Variants in PTPRN2 observed in about 807,000 individuals in gnomAD.
The protein encoded by PTPRN2 is protein tyrosine phosphatase receptor type N2, also known as receptor-type tyrosine-protein phosphatase N2.
Under a neutral mutation model 118.8 loss-of-function variants are expected in PTPRN2, and 74 were observed. The ratio of observed to expected loss-of-function variants is 0.62; its 90% CI spans 0.52 to 0.76. PTPRN2 has a LOEUF of 0.76. Ranked by LOEUF, PTPRN2 falls within the 30% of genes least tolerant of loss-of-function variation. The pLI, the probability that PTPRN2 is intolerant of heterozygous loss-of-function variation, is 0.00. For synonymous variants in PTPRN2, 641 were observed against 608.0 expected (o/e 1.05, Z -0.80); for missense variants, 1,481 against 1,394.4 (o/e 1.06, Z -0.99).
rs777703742 is a variant in PTPRN2, at chr7:158,110,833, C to G, written c.1639G>C (p.Val547Leu). Residue 547 changes from valine (V) to leucine (L), a missense_variant, in exon 10 of 23, where the codon GTG becomes CTG. Physicochemically the swap from Val to Leu is conservative, Grantham distance 32. Transcript: ENST00000389418. ...LQVPSSAFAD[V>L]EVLGPAVTFK... is the part of the protein sequence containing the mutation. The stretch of plus-strand genomic sequence containing the variant: ...ACCCCAGGGCCCCGTACTTACTCCA[C>G]GTCAGCGAACGCACTGCTGGGCACC... 1 of 1,584,636 alleles carries G rather than the reference C, an allele frequency of 6.3e-7. No individual in the cohort carries two copies. Among genetic ancestry groups the G allele is most frequent in the Admixed American group, 1.8e-5 (1 of 56,964 alleles).
At chr7:157,999,102 G>A (rs982335881) in intron 11 of PTPRN2, among the ~76,000 whole-genome samples, 2 of 151,994 alleles carry the variant, frequency 1.3e-5, no homozygotes, top group African/African-American at 4.8e-5. Flanking sequence ...CCCACCAAGA[G>A]GACCTCCTGT....
At chr7:158,320,611 C>T (rs1455268368) in intron 2 of PTPRN2, among the ~76,000 whole-genome samples, 4 of 152,218 alleles carry the variant, frequency 2.6e-5, no homozygotes, top group Non-Finnish European at 5.9e-5. Context: ...CACTTGGAGG[C>T]GTCCATGTTC....
intron 12 of PTPRN2, among the ~76,000 whole-genome samples, chr7:157,777,852 A>G (rs1803426638): frequency 6.6e-6 from 1 of 152,256 alleles, no homozygotes; most frequent in Admixed American, 6.5e-5. Flanking sequence ...CCACCAGAAT[A>G]AGATGTCTGC....
intron 11 of PTPRN2, among the ~76,000 whole-genome samples, chr7:158,072,884 T>A (rs931578658): frequency 3.3e-5 from 5 of 152,048 alleles, no homozygotes; most frequent in Non-Finnish European, 7.4e-5. Flanking sequence ...CTCTCAAAAG[T>A]CATAATATTT....
chr7:158,382,176 C>G (rs1327090514), intron 2 of PTPRN2, among the ~76,000 whole-genome samples: 2 of 152,158 alleles, frequency 1.3e-5, no homozygotes, highest in Admixed American at 6.5e-5. Flanking sequence ...GTGCAGGCAC[C>G]TGGGCAACGC....
rs62480896 is a variant in PTPRN2 at position 158,332,674 on chromosome 7, C to A, written c.164-15742G>T. ...AGCTGATGCCTGCAGACATCACTCA[C>A]ACCCACACTCTAACCATAAGAGTTG... On this transcript the variant is annotated intron_variant, in intron 2 of 22. Coordinates refer to ENST00000389418, the MANE Select transcript of PTPRN2 (RefSeq NM_002847.5). Among the ~76,000 whole-genome samples, 1,377 of 148,240 alleles carry A rather than the reference C, an allele frequency of 9.3e-3. 25 individuals are homozygous for A. Among genetic ancestry groups the A allele is most frequent in the Non-Finnish European group, 0.014 (952 of 66,974 alleles).
At chr7:157,954,629 G>A (rs1284808887) in intron 11 of PTPRN2, among the ~76,000 whole-genome samples, 1 of 152,110 alleles carries the variant, frequency 6.6e-6, no homozygotes, top group African/African-American at 2.4e-5. Flanking sequence ...GTGCCTGTGT[G>A]AGAGGAGTGG....
chr7:158,367,351 T>C (rs1184785334), intron 2 of PTPRN2, among the ~76,000 whole-genome samples: 2 of 152,196 alleles, frequency 1.3e-5, no homozygotes, highest in South Asian at 2.1e-4. Flanking sequence ...ACCTGTAAAA[T>C]ACGGAAGCTA....
chr7:158,328,924 G>A (rs570890527), intron 2 of PTPRN2, among the ~76,000 whole-genome samples: 23 of 150,920 alleles, frequency 1.5e-4, no homozygotes, highest in African/African-American at 4.6e-4. Flanking sequence ...GGCCTGGGAC[G>A]GTAAATCCAG....
intron 11 of PTPRN2, among the ~76,000 whole-genome samples, chr7:157,992,859 G>A (rs1045137504): frequency 6.6e-6 from 1 of 152,266 alleles, no homozygotes; most frequent in Non-Finnish European, 1.5e-5. Context: ...TGCTCAGGAA[G>A]CATAGACAGT....
chr7:157,725,317 AGACCC>A (rs1799491152), intron 12 of PTPRN2, among the ~76,000 whole-genome samples: 27 of 108,486 alleles, frequency 2.5e-4, no homozygotes, highest in African/African-American at 1.2e-3. Flanking sequence ...GAGTGTGGCC[AGACCC>A]TCGCCTCCCA....
At position 157,800,720 on chromosome 7, in the gene PTPRN2, AGGCG is replaced by A. The variant is rs575375645; in HGVS notation, c.1788+97949_1788+97952del. 4.5e-3 allele frequency among the ~76,000 whole-genome samples: 681 copies of A among 152,144 alleles called. 5 individuals carry two copies. Among genetic ancestry groups the A allele is most frequent in the African/African-American group, 0.016 (651 of 41,522 alleles). ...GTAATCCCAGCACTTTGGGAGGCCG[AGGCG>A]GGCGGATCACGAGGTCAGGAGATCG... On this transcript the variant is annotated intron_variant, in intron 12 of 22. Transcript: ENST00000389418.
intron 2 of PTPRN2, among the ~76,000 whole-genome samples, chr7:158,407,171 G>GGGT (rs1813550339): frequency 1.1e-5 from 1 of 87,760 alleles, no homozygotes; most frequent in African/African-American, 3.5e-5. Flanking sequence ...CCTGGGTCCT[G>GGGT]CGTCCTGCGT....
chr7:157,740,753 T>A (rs1394028343), intron 12 of PTPRN2, among the ~76,000 whole-genome samples: 1 of 152,204 alleles, frequency 6.6e-6, no homozygotes, highest in African/African-American at 2.4e-5. Context: ...GGCACTGGCT[T>A]CTTTCCAGCA....
intron 11 of PTPRN2, among the ~76,000 whole-genome samples, chr7:157,950,564 G>C (rs1361517077): frequency 6.6e-6 from 1 of 152,150 alleles, no homozygotes; most frequent in Non-Finnish European, 1.5e-5. Flanking sequence ...GTATTTGGGT[G>C]GTATTTTTGC....
At chr7:158,176,268 T>C (rs914367015) in intron 5 of PTPRN2, among the ~76,000 whole-genome samples, 2 of 151,970 alleles carry the variant, frequency 1.3e-5, no homozygotes, top group African/African-American at 4.8e-5. Context: ...ACCCAGAAGA[T>C]GGAGGGACAG....
chr7:158,401,728 T>C (rs545231348), intron 2 of PTPRN2, among the ~76,000 whole-genome samples: 2 of 152,256 alleles, frequency 1.3e-5, no homozygotes, highest in Admixed American at 1.3e-4. Flanking sequence ...GAGACAAAAT[T>C]TGAAGGGGCT....
At chr7:158,097,249 T>C (rs967323606) in intron 10 of PTPRN2, among the ~76,000 whole-genome samples, 2 of 151,666 alleles carry the variant, frequency 1.3e-5, no homozygotes, top group African/African-American at 4.9e-5. Context: ...GGGAAGGAGG[T>C]GGAGGGGCCC....
Position 157,560,495 on chromosome 7 carries a change from G to A in PTPRN2, c.2902+8407C>T, listed in dbSNP as rs1044188523. On this transcript the variant is annotated intron_variant, in intron 21 of 22. Transcript: ENST00000389418. The surrounding 1 kb of genome is among the most constrained non-coding windows in gnomAD (Gnocchi z 6.7). Reference sequence around the variant, plus strand: ...CGGACCACTGCTCCAACCAGCGTTCGTCGTCAGCCCCTTACACGGGACAGG... The same window carrying A: ...CGGACCACTGCTCCAACCAGCGTTCATCGTCAGCCCCTTACACGGGACAGG... Among the ~76,000 whole-genome samples the A allele has an allele frequency of 3.9e-5, 6 of 152,172 alleles. No homozygotes were observed. Among genetic ancestry groups the A allele is most frequent in the Admixed American group, 6.5e-5 (1 of 15,272 alleles).
Sources: gnomAD v4.1 joint callset for allele counts (sites outside exome capture counted in the v4.1 genomes callset) on GRCh38, gnomAD v4.1.1 for gene constraint, Gnocchi (gnomAD v3.1) non-coding constraint, MANE v1.5 for transcripts, NCBI Gene and HGNC (gene_info 2026-07-23, HGNC 2026-07-21) for gene names.